FBXW7: variants seen among roughly 807,000 people sequenced by gnomAD.
FBXW7 encodes the protein F-box and WD repeat domain containing 7, also known as F-box/WD repeat-containing protein 7.
Under a neutral mutation model 86.3 loss-of-function variants are expected in FBXW7, and 11 were observed. The observed-to-expected ratio is 0.13, with a 90% CI of 0.08 to 0.21. The LOEUF (loss-of-function observed/expected upper bound fraction) is 0.21, where lower values mean the gene tolerates loss of function less well. FBXW7 is among the 10% of genes least tolerant of loss of function. The pLI, the probability that FBXW7 is intolerant of heterozygous loss-of-function variation, is 1.00. For synonymous variants in FBXW7, 313 were observed against 297.9 expected (o/e 1.05, Z -0.52); for missense variants, 488 against 847.4 (o/e 0.58, Z 5.27).
chr4:152,441,137 T>C (rs1740861120), intron 2 of FBXW7, among the ~76,000 whole-genome samples: 1 of 152,210 alleles, frequency 6.6e-6, no homozygotes, highest in African/African-American at 2.4e-5. Flanking sequence ...CTTATATGGC[T>C]AAGTATGTTC....
chr4:152,328,078 C>A, intron 11 of FBXW7, 130 bp downstream of exon 11: 1 of 737,846 alleles, frequency 1.4e-6, no homozygotes. Flanking sequence ...AGAATAGAAA[C>A]ATCTGAAGTG....
At chr4:152,441,416 G>C (rs188703128) in intron 2 of FBXW7, among the ~76,000 whole-genome samples, 1 of 152,172 alleles carries the variant, frequency 6.6e-6, no homozygotes, top group East Asian at 1.9e-4. Flanking sequence ...TTGTCTCTTT[G>C]TTAATATTCA....
In FBXW7 at chr4:152,514,040, T is replaced by C. The variant is rs376869782; in HGVS notation, c.-120+20901A>G. Among the ~76,000 whole-genome samples the C allele has an allele frequency of 8.6e-4, 131 of 152,368 alleles. 1 individual carries two copies. Among genetic ancestry groups the C allele is most frequent in the African/African-American group, 3.1e-3 (127 of 41,588 alleles). On this transcript the variant is annotated intron_variant, in intron 2 of 13. Transcript: ENST00000281708. ...AATATCAAAGTCTTCATGGTTTTCA[T>C]ATTGATTACATGTTAAAATAACATT...
intron 4 of FBXW7, among the ~76,000 whole-genome samples, chr4:152,384,774 A>T (rs934233156): frequency 3.9e-5 from 6 of 152,020 alleles, no homozygotes; most frequent in African/African-American, 1.4e-4. Flanking sequence ...ACCTCGAGAG[A>T]TCTAAGGTTA....
intron 4 of FBXW7, among the ~76,000 whole-genome samples, chr4:152,361,695 G>T (rs1732958143): frequency 6.6e-6 from 1 of 152,034 alleles, no homozygotes; most frequent in Admixed American, 6.6e-5. Flanking sequence ...ACTAACTTTT[G>T]ACAGGCATGG....
intron 2 of FBXW7, among the ~76,000 whole-genome samples, chr4:152,425,891 G>C (rs548466701): frequency 6.6e-6 from 1 of 152,128 alleles, no homozygotes; most frequent in African/African-American, 2.4e-5. Flanking sequence ...ATTGTTCAGG[G>C]TGAACAGAAA....
At position 152,329,805 on chromosome 4, in the gene FBXW7, AT is replaced by A. The variant is rs2126527045; in HGVS notation, c.1123-21del. ...CAGCACCTATAAGAAAGATGTGCAG[AT>A]TAGAAATATGTTAATTAAATTATGT... On this transcript the variant is annotated intron_variant, in intron 9 of 13. Transcript: ENST00000281708. The A allele has an allele frequency of 7.4e-7, 1 of 1,357,114 alleles. No homozygotes were observed. Among genetic ancestry groups the A allele is most frequent in the Non-Finnish European group, 1.0e-6 (1 of 1,002,006 alleles). The allele number at this position is 1,357,114 out of a possible 1,614,324, so 84.1% of individuals were successfully genotyped here. A position where few individuals can be genotyped will look rare whatever the true frequency, so the allele number is the denominator to read the frequency against.
At chr4:152,338,949 A>G (rs911376120) in intron 6 of FBXW7, among the ~76,000 whole-genome samples, 4 of 152,180 alleles carry the variant, frequency 2.6e-5, no homozygotes, top group Non-Finnish European at 5.9e-5. Context: ...TTTCTTGTCC[A>G]AACAAGAAAA....
chr4:152,487,682 T>C (rs1745470997), intron 2 of FBXW7, among the ~76,000 whole-genome samples: 2 of 152,108 alleles, frequency 1.3e-5, no homozygotes, highest in African/African-American at 4.8e-5. Context: ...GAAACAGTGA[T>C]AGCAAAAAGT....
intron 4 of FBXW7, among the ~76,000 whole-genome samples, chr4:152,388,137 G>A (rs978137797): frequency 6.6e-6 from 1 of 152,014 alleles, no homozygotes; most frequent in African/African-American, 2.4e-5. Context: ...TGTTCTAAAA[G>A]ATATTTATTT....
chr4:152,401,513 C>CAGTG (rs1736925039), intron 4 of FBXW7, among the ~76,000 whole-genome samples: 1 of 152,122 alleles, frequency 6.6e-6, no homozygotes, highest in Non-Finnish European at 1.5e-5. Flanking sequence ...GTGAAAGGAT[C>CAGTG]AGTGGCGATG....
At chr4:152,441,907 T>C (rs1285136895) in intron 2 of FBXW7, among the ~76,000 whole-genome samples, 2 of 152,212 alleles carry the variant, frequency 1.3e-5, no homozygotes, top group Non-Finnish European at 2.9e-5. Context: ...TTCTTAAACA[T>C]TATCTTTAAA....
At chr4:152,466,082 C>T (rs1743400495) in intron 2 of FBXW7, among the ~76,000 whole-genome samples, 1 of 152,148 alleles carries the variant, frequency 6.6e-6, no homozygotes, top group Non-Finnish European at 1.5e-5. Context: ...TATATTACAA[C>T]CTCAACCTTA....
chr4:152,471,424 GGAAGGAAGGAGGGAAGGAAAGAGA>G (rs1245014642), intron 2 of FBXW7, among the ~76,000 whole-genome samples: 8 of 129,394 alleles, frequency 6.2e-5, no homozygotes, highest in Non-Finnish European at 1.1e-4. Context: ...AAGGAAAAAG[GGAAGGAAGGAGGGAAGGAAAGAGA>G]GAAGGAAGGA....
chr4:152,439,239 T>A (rs1200905711), intron 2 of FBXW7, among the ~76,000 whole-genome samples: 6 of 152,196 alleles, frequency 3.9e-5, no homozygotes, highest in Non-Finnish European at 5.9e-5. Context: ...GTTAATTTTT[T>A]TTTTTAAGGG....
intron 2 of FBXW7, among the ~76,000 whole-genome samples, chr4:152,487,795 TG>T (rs1458319476): frequency 1.3e-5 from 2 of 152,070 alleles, no homozygotes; most frequent in African/African-American, 4.8e-5. Context: ...AAATTTAAAA[TG>T]GACTGCTGCT....
At chr4:152,508,418 C>G (rs942893258) in intron 2 of FBXW7, among the ~76,000 whole-genome samples, 1 of 152,072 alleles carries the variant, frequency 6.6e-6, no homozygotes, top group African/African-American at 2.4e-5. Flanking sequence ...TGGGGCCAGG[C>G]AGTGGCTCAC....
At chr4:152,458,114 G>A (rs1321778512) in intron 2 of FBXW7, among the ~76,000 whole-genome samples, 1 of 152,040 alleles carries the variant, frequency 6.6e-6, no homozygotes, top group African/African-American at 2.4e-5. Flanking sequence ...CTGCCTCCCG[G>A]GTTCAAGAGA....
chr4:152,341,098 A>G (rs958170810), intron 6 of FBXW7, among the ~76,000 whole-genome samples: 1 of 152,194 alleles, frequency 6.6e-6, no homozygotes, highest in Non-Finnish European at 1.5e-5. Context: ...GTGGTCTTCC[A>G]GCTTTCTACC....
Sources: gnomAD v4.1 joint callset for allele counts (sites outside exome capture counted in the v4.1 genomes callset) on GRCh38, gnomAD v4.1.1 for gene constraint, MANE v1.5 for transcripts, NCBI Gene and HGNC (gene_info 2026-07-23, HGNC 2026-07-21) for gene names.